Variants in LINGO2 observed in about 807,000 individuals in gnomAD.
LINGO2 encodes leucine-rich repeat and immunoglobulin-like domain-containing nogo receptor-interacting protein 2.
LINGO2 carries 14 observed loss-of-function variants against 30.6 expected under a neutral mutation model. The observed-to-expected ratio is 0.46, with a 90% CI of 0.30 to 0.72. LINGO2 has a LOEUF of 0.72. Among genes scored for constraint, LINGO2 ranks in the 30% least tolerant of loss-of-function variants. LINGO2 has a pLI of 0.07. For missense variants in LINGO2, 729 were observed against 751.7 expected (o/e 0.97, Z 0.35); for synonymous variants, 317 against 288.5 (o/e 1.10, Z -1.00).
intron 4 of LINGO2, among the ~76,000 whole-genome samples, chr9:28,029,277 G>T (rs192804379): frequency 6.6e-6 from 1 of 152,286 alleles, no homozygotes; most frequent in East Asian, 1.9e-4. Flanking sequence ...CAGATCCACA[G>T]GATCGTTTCT....
At chr9:28,647,893 C>CTTTT (rs5897315) in intron 1 of LINGO2, among the ~76,000 whole-genome samples, 29 of 130,170 alleles carry the variant, frequency 2.2e-4, no homozygotes, top group Non-Finnish European at 3.6e-4. Context: ...TTCTTTCTTT[C>CTTTT]TTTTTTTTTT....
chr9:29,024,134 A>G, the LINGO2 span, among the ~76,000 whole-genome samples: 1 of 152,094 alleles, frequency 6.6e-6, no homozygotes, highest in Admixed American at 6.6e-5. Flanking sequence ...ACCGCCCTCT[A>G]CATTGTGTTA....
chr9:29,175,640 T>C, the LINGO2 span, among the ~76,000 whole-genome samples: 1 of 151,262 alleles, frequency 6.6e-6, no homozygotes, highest in Admixed American at 6.6e-5. Flanking sequence ...GATTATCCTG[T>C]CTCAGTCTCC....
intron 4 of LINGO2, among the ~76,000 whole-genome samples, chr9:28,181,649 C>T (rs1409269119): frequency 1.3e-5 from 2 of 152,172 alleles, no homozygotes; most frequent in Non-Finnish European, 2.9e-5. Context: ...AGCAAAGACC[C>T]TGCTTACAGC....
At chr9:28,077,392 C>T (rs1825656206) in intron 4 of LINGO2, among the ~76,000 whole-genome samples, 1 of 152,170 alleles carries the variant, frequency 6.6e-6, no homozygotes, top group Non-Finnish European at 1.5e-5. Flanking sequence ...ATTTTGTATA[C>T]TATCTTATAG....
the LINGO2 span, among the ~76,000 whole-genome samples, chr9:29,058,373 G>A: frequency 1.8e-4 from 28 of 151,868 alleles, no homozygotes; most frequent in Admixed American, 7.9e-4. Context: ...GAAATTGAAG[G>A]TAGACAATAG....
the LINGO2 span, among the ~76,000 whole-genome samples, chr9:28,679,512 T>C: frequency 3.3e-5 from 5 of 152,068 alleles, no homozygotes; most frequent in African/African-American, 9.7e-5. Flanking sequence ...TCCTAGCCCT[T>C]AAAAACTAGA....
intron 2 of LINGO2, among the ~76,000 whole-genome samples, chr9:28,429,844 G>A (rs377527624): frequency 6.6e-6 from 1 of 152,058 alleles, no homozygotes; most frequent in East Asian, 1.9e-4. Context: ...CAGGAAAAAA[G>A]AGGGAGGGAT....
intron 1 of LINGO2, among the ~76,000 whole-genome samples, chr9:28,561,670 T>G (rs1473365295): frequency 7.5e-6 from 1 of 133,040 alleles, no homozygotes; most frequent in African/African-American, 2.7e-5. Context: ...ATATATAAAT[T>G]ATATATAAAT....
chr9:28,016,041 T>C lies in LINGO2; in HGVS notation c.-86-3636A>G, dbSNP rs573436323. On this transcript the variant is annotated intron_variant, in intron 4 of 5. Coordinates refer to ENST00000379992, the Ensembl canonical transcript of LINGO2. ...ATACCTCAGGGATATATTAAGGAAA[T>C]GTACCTATTCTGAAGTTTAATGGAG... is the stretch of plus-strand genomic sequence containing the variant. 3.5e-5 allele frequency among the ~76,000 whole-genome samples: 5 copies of C among 143,744 alleles called. No homozygotes were observed. The South Asian group carries it at 1.1e-3, about 33-fold the overall frequency. The allele number at this position is 143,744 out of a possible 152,430, so 94.3% of individuals were successfully genotyped here. A position where few individuals can be genotyped will look rare whatever the true frequency, so the allele number is the denominator to read the frequency against.
At chr9:28,495,719 C>T (rs966166373) in intron 1 of LINGO2, among the ~76,000 whole-genome samples, 7 of 152,074 alleles carry the variant, frequency 4.6e-5, no homozygotes, top group Non-Finnish European at 1.0e-4. Flanking sequence ...TGTGTTTGCT[C>T]TTGCTTCTCT....
the LINGO2 span, among the ~76,000 whole-genome samples, chr9:28,833,310 A>G: frequency 2.0e-5 from 3 of 152,194 alleles, no homozygotes; most frequent in South Asian, 6.2e-4. Context: ...CAAGTTCTCT[A>G]TAGTACCTTT....
At chr9:27,964,876 C>G (rs1820021128) in intron 5 of LINGO2, among the ~76,000 whole-genome samples, 1 of 151,996 alleles carries the variant, frequency 6.6e-6, no homozygotes, top group African/African-American at 2.4e-5. Flanking sequence ...TTGCAGAGGT[C>G]CTGTAACCTC....
At chr9:28,867,480 T>G in the LINGO2 span, among the ~76,000 whole-genome samples, 29,365 of 144,336 alleles carry the variant, frequency 0.2, 5,189 homozygotes, top group African/African-American at 0.49. Flanking sequence ...GTCTTTCAAG[T>G]AAAGAAAAAA....
the LINGO2 span, among the ~76,000 whole-genome samples, chr9:28,932,684 T>G: frequency 6.6e-6 from 1 of 152,124 alleles, no homozygotes; most frequent in South Asian, 2.1e-4. Flanking sequence ...ATTATCATTG[T>G]ATAATTTAAG....
At chr9:28,878,973 G>A in the LINGO2 span, among the ~76,000 whole-genome samples, 3 of 152,032 alleles carry the variant, frequency 2.0e-5, no homozygotes, top group African/African-American at 4.8e-5. Flanking sequence ...ACATAGTGTT[G>A]GAAGTTCTGG....
At chr9:28,634,493 T>C (rs1262593672) in intron 1 of LINGO2, among the ~76,000 whole-genome samples, 1 of 147,388 alleles carries the variant, frequency 6.8e-6, no homozygotes, top group Non-Finnish European at 1.5e-5. Context: ...TTCTTTTTTT[T>C]TTTTTTTTTT....
chr9:28,348,594 G>T (rs903912384), intron 3 of LINGO2, among the ~76,000 whole-genome samples: 3 of 152,190 alleles, frequency 2.0e-5, no homozygotes, highest in African/African-American at 4.8e-5. Context: ...CATTGCCCAG[G>T]CTTGATTAGG....
chr9:28,699,896 G>A, the LINGO2 span, among the ~76,000 whole-genome samples: 712 of 151,996 alleles, frequency 4.7e-3, 3 homozygotes, highest in African/African-American at 0.01. Context: ...GAACTCAGAC[G>A]GGTTATCTGC....
Sources: allele counts gnomAD v4.1 joint callset (sites outside exome capture counted in the v4.1 genomes callset), GRCh38; gene constraint gnomAD v4.1.1; transcripts MANE v1.5; gene names NCBI Gene and HGNC (gene_info 2026-07-23, HGNC 2026-07-21).